TMEM45B: variants seen among roughly 807,000 people sequenced by gnomAD.
TMEM45B encodes transmembrane protein 45B.
A neutral mutation model predicts 27.3 loss-of-function variants in TMEM45B; 29 were observed. The ratio of observed to expected loss-of-function variants is 1.06; its 90% CI spans 0.79 to 1.45. TMEM45B has a LOEUF of 1.45. Among genes scored for constraint, TMEM45B ranks in the 40% most tolerant of loss-of-function variants. TMEM45B has a pLI of 0.00. For missense variants in TMEM45B, 348 were observed against 343.9 expected, an observed-to-expected ratio of 1.01 and a Z score of -0.09; for synonymous variants, 143 against 134.7, an observed-to-expected ratio of 1.06 and a Z score of -0.43.
intron 2 of TMEM45B, among the ~76,000 whole-genome samples, chr11:129,853,741 G>T (rs1269088659): frequency 6.6e-6 from 1 of 152,088 alleles, no homozygotes; most frequent in Non-Finnish European, 1.5e-5. Flanking sequence ...GTGTCACTGG[G>T]ACTTTTCCTG....
chr11:129,845,975 G>A (rs1372787739), intron 1 of TMEM45B, among the ~76,000 whole-genome samples: 1 of 152,186 alleles, frequency 6.6e-6, no homozygotes, highest in Non-Finnish European at 1.5e-5. Context: ...CAGACAGCCA[G>A]TTCAATTTTA....
At chr11:129,836,608 G>T (rs1947622996) in intron 1 of TMEM45B, among the ~76,000 whole-genome samples, 1 of 152,088 alleles carries the variant, frequency 6.6e-6, no homozygotes, top group Non-Finnish European at 1.5e-5. Flanking sequence ...TCATTAGGGT[G>T]GGGCCCAAAT....
rs568814112 is a variant in TMEM45B at position 129,818,312 on chromosome 11, T to TC, written c.-9+2415dup. ...GGAAAGCTAAAAGGTCTATCAGCCT[T>TC]CTGTATGTGATGCAGAGTTCAACTG... On this transcript the variant is annotated intron_variant, in intron 1 of 5. Coordinates refer to ENST00000281441, the MANE Select transcript of TMEM45B (RefSeq NM_138788.5). 5.0e-4 allele frequency among the ~76,000 whole-genome samples: 76 copies of TC among 152,332 alleles called. 1 individual carries two copies. The South Asian group carries it at 8.7e-3, about 17-fold the overall frequency.
intron 1 of TMEM45B, among the ~76,000 whole-genome samples, chr11:129,820,448 G>A (rs977172848): frequency 3.3e-5 from 5 of 152,196 alleles, no homozygotes; most frequent in Non-Finnish European, 7.3e-5. Context: ...TAAATAGGTT[G>A]TTATTTGTTT....
intron 1 of TMEM45B, among the ~76,000 whole-genome samples, chr11:129,829,606 C>T (rs1321158434): frequency 6.6e-6 from 1 of 152,178 alleles, no homozygotes; most frequent in Admixed American, 6.5e-5. Context: ...TCAGCCTTTG[C>T]ATGTGTTATT....
chr11:129,837,097 C>T (rs1947629703), intron 1 of TMEM45B, among the ~76,000 whole-genome samples: 1 of 152,064 alleles, frequency 6.6e-6, no homozygotes, highest in Non-Finnish European at 1.5e-5. Flanking sequence ...TCGCCCAGGC[C>T]TGCTTCCCAA....
At chr11:129,846,245 A>G (rs1026358094) in intron 1 of TMEM45B, among the ~76,000 whole-genome samples, 1 of 152,230 alleles carries the variant, frequency 6.6e-6, no homozygotes, top group Non-Finnish European at 1.5e-5. Context: ...AGGCAGGTGG[A>G]TCACCTGAGG....
chr11:129,834,531 C>T (rs1330177229), intron 1 of TMEM45B, among the ~76,000 whole-genome samples: 14 of 151,950 alleles, frequency 9.2e-5, no homozygotes, highest in African/African-American at 2.9e-4. Flanking sequence ...CATCTATCAG[C>T]TGGGCACCAT....
chr11:129,823,348 T>C (rs1156501682), intron 1 of TMEM45B, among the ~76,000 whole-genome samples: 1 of 152,196 alleles, frequency 6.6e-6, no homozygotes, highest in Non-Finnish European at 1.5e-5. Context: ...TCGTTCCTGC[T>C]TTAGCTTCTT....
rs1591456672 is a variant in TMEM45B at position 129,858,970 on chromosome 11, G to A, written c.*285G>A. The A allele has an allele frequency of 1.7e-5, 3 of 181,192 alleles. No homozygotes were observed. The highest frequency in any genetic ancestry group is 3.4e-5 in the Non-Finnish European group (3 of 87,348). The allele number at this position is 181,192 out of a possible 1,614,324, so 11.2% of individuals were successfully genotyped here. ...AAGTAGCAGGCCTTTGTGCCTCAGTGTCAAGAGAAATCAAGAGATGCTAAA... is the reference window on the plus strand; with the variant it reads ...AAGTAGCAGGCCTTTGTGCCTCAGTATCAAGAGAAATCAAGAGATGCTAAA... On this transcript the variant is annotated 3_prime_UTR_variant, in exon 6 of 6. Transcript: ENST00000281441.
At chr11:129,855,974 A>G in intron 4 of TMEM45B, 82 bp downstream of exon 4, 1 of 1,512,268 alleles carries the variant, frequency 6.6e-7, no homozygotes, top group East Asian at 2.3e-5. Context: ...CCCTGACGAG[A>G]ATATGGGGTC....
At chr11:129,829,044 T>G (rs1211645514) in intron 1 of TMEM45B, among the ~76,000 whole-genome samples, 1 of 152,200 alleles carries the variant, frequency 6.6e-6, no homozygotes, top group Admixed American at 6.5e-5. Context: ...CATTTTCAGG[T>G]AAGCCTCACA....
intron 1 of TMEM45B, among the ~76,000 whole-genome samples, chr11:129,840,288 G>A (rs1947673584): frequency 1.3e-5 from 2 of 152,188 alleles, no homozygotes; most frequent in Admixed American, 6.5e-5. Context: ...AGGCCCTGCT[G>A]TCCACTGGTG....
Position 129,854,744 on chromosome 11 carries a change from C to G in TMEM45B, c.313C>G (p.Leu105Val), listed in dbSNP as rs750416001. The G allele has an allele frequency of 4.3e-6, 7 of 1,614,220 alleles. No homozygotes were observed. The highest frequency in any genetic ancestry group is 1.1e-5 in the South Asian group (1 of 91,086). ...TGCAGTCTCAGGAATTGTTGACATG[C>G]TCACCTATCTGGTCAGCCACGTTCC... is the stretch of plus-strand genomic sequence containing the variant. ...FFAVSGIVDM[L>V]TYLVSHVPLG... Residue 105 changes from leucine (L) to valine (V), a missense_variant, in exon 3 of 6, where the codon CTC (leucine) becomes GTC (valine). Coordinates refer to ENST00000281441, the MANE Select transcript of TMEM45B (RefSeq NM_138788.5).
intron 1 of TMEM45B, among the ~76,000 whole-genome samples, chr11:129,852,091 C>T (rs1390680800): frequency 1.3e-5 from 2 of 152,134 alleles, no homozygotes; most frequent in African/African-American, 2.4e-5. Flanking sequence ...TTGTTGTTTA[C>T]CTTTTGATGT....
rs1453457783 is a variant in TMEM45B, at chr11:129,826,738, C to G, written c.-9+10840C>G. On this transcript the variant is annotated intron_variant, in intron 1 of 5. Coordinates refer to ENST00000281441, the MANE Select transcript of TMEM45B (RefSeq NM_138788.5). ...TTTTTTTTTTTTTGAGACGGAGTCTCGATCTGTCACCCAGGCTGGAATGCA... is the reference window on the plus strand; with the variant it reads ...TTTTTTTTTTTTTGAGACGGAGTCTGGATCTGTCACCCAGGCTGGAATGCA... Among the ~76,000 whole-genome samples the G allele has an allele frequency of 2.1e-5, 3 of 145,108 alleles. No homozygotes were observed. In the South Asian group the frequency reaches 6.6e-4, roughly 32 times the overall value.
At chr11:129,856,979 G>A (rs997817922) in intron 4 of TMEM45B, among the ~76,000 whole-genome samples, 1 of 151,280 alleles carries the variant, frequency 6.6e-6, no homozygotes, top group Non-Finnish European at 1.5e-5. Context: ...CAGCCTCCCA[G>A]TTAGCTAGGA....
chr11:129,852,393 G>T (rs1947859503), intron 1 of TMEM45B, 82 bp from the exon 2 acceptor site: 1 of 1,244,490 alleles, frequency 8.0e-7, no homozygotes, highest in South Asian at 1.4e-5. Context: ...GCAATCTCAG[G>T]CACGTATTGT....
At chr11:129,842,777 A>G (rs960035740) in intron 1 of TMEM45B, among the ~76,000 whole-genome samples, 1 of 152,252 alleles carries the variant, frequency 6.6e-6, no homozygotes, top group Non-Finnish European at 1.5e-5. Flanking sequence ...AGCACAGGCA[A>G]CAAAAGCAAA....
Sources: allele counts gnomAD v4.1 joint callset (sites outside exome capture counted in the v4.1 genomes callset), GRCh38; gene constraint gnomAD v4.1.1; transcripts MANE v1.5; gene names NCBI Gene and HGNC (gene_info 2026-07-23, HGNC 2026-07-21).